The following PUM1 variants were observed in gnomAD, a reference collection of about 807,000 sequenced individuals.
PUM1 encodes the protein pumilio RNA binding family member 1.
PUM1 carries 13 observed loss-of-function variants against 131.8 expected under a neutral mutation model. That is an observed-to-expected ratio of 0.10 (90% CI 0.06 to 0.16). PUM1 has a LOEUF of 0.16. Among genes scored for constraint, PUM1 ranks in the 10% least tolerant of loss-of-function variants. The pLI, the probability that PUM1 is intolerant of heterozygous loss-of-function variation, is 1.00. For synonymous variants in PUM1, 509 were observed against 556.5 expected (o/e 0.91, Z 1.20); for missense variants, 961 against 1,512.4 (o/e 0.64, Z 6.05).
intron 3 of PUM1, among the ~76,000 whole-genome samples, chr1:31,026,920 C>T (rs1261258351): frequency 2.1e-5 from 3 of 145,422 alleles, no homozygotes; most frequent in Admixed American, 6.9e-5. Context: ...ATATTCATGC[C>T]CACGGAATTA....
chr1:30,952,472 A>C, intron 15 of PUM1, 109 bp from the exon 16 acceptor site: 1 of 1,537,400 alleles, frequency 6.5e-7, no homozygotes. Context: ...GTGAGTGAGC[A>C]TGTGTGCACA....
rs1316433480 is a variant in PUM1, at chr1:31,005,919, G to A, written c.654C>T (p.Gly218=). 3 of 1,613,582 alleles carry A rather than the reference G, an allele frequency of 1.9e-6. No homozygotes were observed. Among genetic ancestry groups the A allele is most frequent in the Non-Finnish European group, 2.5e-6 (3 of 1,179,898 alleles). The change falls in exon 5 of 22, where the codon GGC becomes GGT. Residue 218 remains glycine (G), a synonymous_variant. Coordinates refer to ENST00000426105, the MANE Select transcript of PUM1 (RefSeq NM_001020658.2). The part of the protein sequence containing the change: ...LSPRSESGGL[G]VSMVEYVLSS... ...TCAACACATACTCCACCATGCTAAC[G>A]CCTAGTCCCCCACTCTCCGATCGTG...
chr1:31,010,520 A>G (rs767312391), intron 3 of PUM1, among the ~76,000 whole-genome samples: 10 of 152,214 alleles, frequency 6.6e-5, no homozygotes, highest in Non-Finnish European at 8.8e-5. Flanking sequence ...CAGACGCCAC[A>G]TGAAGCCAAG....
At chr1:31,019,004 A>C (rs1210579552) in intron 3 of PUM1, among the ~76,000 whole-genome samples, 5 of 152,268 alleles carry the variant, frequency 3.3e-5, no homozygotes, top group Non-Finnish European at 2.9e-5. Context: ...GCTGGGCGAC[A>C]GTAAGAGCAA....
intron 2 of PUM1, among the ~76,000 whole-genome samples, chr1:31,052,431 A>G (rs1387962364): frequency 6.6e-6 from 1 of 151,674 alleles, no homozygotes; most frequent in Non-Finnish European, 1.5e-5. Context: ...TCAAAGAGAC[A>G]GGATCTCACT....
At chr1:31,038,986 T>TATATATA (rs1557599381) in intron 2 of PUM1, among the ~76,000 whole-genome samples, 70 of 27,460 alleles carry the variant, frequency 2.5e-3, no homozygotes, top group African/African-American at 4.2e-3. Context: ...ATATATATAT[T>TATATATA]TTTTTTTTTT....
intron 8 of PUM1, 121 bp from the exon 9 acceptor site, chr1:30,980,284 G>A: frequency 1.3e-6 from 1 of 776,938 alleles, no homozygotes. Flanking sequence ...AAAAAGAGAA[G>A]ACGGGACAGG....
intron 17 of PUM1, chr1:30,949,118 C>G (rs1186516831): frequency 2.5e-6 from 1 of 403,468 alleles, no homozygotes; most frequent in South Asian, 1.9e-5. Context: ...GGTGTCTTGT[C>G]TGGCTCAGAA....
intron 18 of PUM1, 82 bp from the exon 19 acceptor site, chr1:30,942,205 A>T (rs1195764299): frequency 5.4e-5 from 4 of 74,276 alleles, no homozygotes; most frequent in Admixed American, 2.4e-4. Context: ...ATATATATAT[A>T]TATATATATA....
chr1:30,981,293 T>C lies in PUM1; in HGVS notation c.1252+19A>G. 6.7e-7 allele frequency: 1 copy of C among 1,503,700 alleles called. No individual in the cohort carries two copies. Among genetic ancestry groups the C allele is most frequent in the East Asian group, 2.3e-5 (1 of 42,614 alleles). 93.1% of individuals were successfully genotyped at this position (1,503,700 alleles called of 1,614,324 possible). Reference sequence around the variant, plus strand: ...GCGGCCACACCTATCATGAAAGAGCTATGGGCTTAAGGACTTACCGATGTG... The same window carrying C: ...GCGGCCACACCTATCATGAAAGAGCCATGGGCTTAAGGACTTACCGATGTG... On this transcript the variant is annotated intron_variant, in intron 8 of 21. Coordinates refer to ENST00000426105, the MANE Select transcript of PUM1 (RefSeq NM_001020658.2).
chr1:30,943,993 T>C (rs1639565998), intron 18 of PUM1, among the ~76,000 whole-genome samples: 1 of 152,238 alleles, frequency 6.6e-6, no homozygotes, highest in East Asian at 1.9e-4. Context: ...TTATACATTC[T>C]AGTTATCAAT....
rs189517228 is a variant in PUM1 at position 30,991,376 on chromosome 1, G to A, written c.1158+1014C>T. 8.7e-4 allele frequency among the ~76,000 whole-genome samples: 132 copies of A among 152,196 alleles called. 1 individual carries two copies. The highest frequency in any genetic ancestry group is 3.4e-3 in the Middle Eastern group (1 of 294). ...TTAAAGGTATTTATTGTTCATAAAC[G>A]ACACAGGAGACTTAAAGGGAAACTT... is the stretch of plus-strand genomic sequence containing the variant. On this transcript the variant is annotated intron_variant, in intron 7 of 21. Coordinates refer to ENST00000426105, the MANE Select transcript of PUM1 (RefSeq NM_001020658.2).
chr1:31,058,257 C>T (rs1240275058), intron 2 of PUM1, among the ~76,000 whole-genome samples: 1 of 152,162 alleles, frequency 6.6e-6, no homozygotes, highest in Admixed American at 6.6e-5. Flanking sequence ...AAGTCACCCA[C>T]ACCCAAGAGA....
chr1:31,014,495 A>T (rs1321510430), intron 3 of PUM1, among the ~76,000 whole-genome samples: 1 of 150,182 alleles, frequency 6.7e-6, no homozygotes, highest in Non-Finnish European at 1.5e-5. Flanking sequence ...ATTAAAATTA[A>T]AAAAAAAAGA....
chr1:31,056,357 T>C (rs1406583186), intron 2 of PUM1, among the ~76,000 whole-genome samples: 1 of 152,158 alleles, frequency 6.6e-6, no homozygotes, highest in Non-Finnish European at 1.5e-5. Flanking sequence ...CTCTGCTCAC[T>C]GCAACCTCCA....
intron 18 of PUM1, among the ~76,000 whole-genome samples, 178 bp from the exon 19 acceptor site, chr1:30,942,301 G>C (rs372840327): frequency 7.1e-6 from 1 of 141,646 alleles, no homozygotes; most frequent in African/African-American, 2.7e-5. Flanking sequence ...CATATAATAA[G>C]GTGTGTGTGT....
chr1:31,006,059 C>A, intron 4 of PUM1, 28 bp from the exon 5 acceptor site: 1 of 1,534,870 alleles, frequency 6.5e-7, no homozygotes. Flanking sequence ...AAGCATGATA[C>A]AGTGCAGCCA....
chr1:30,961,460 G>A (rs909673680), intron 14 of PUM1, among the ~76,000 whole-genome samples: 2 of 151,932 alleles, frequency 1.3e-5, no homozygotes, highest in African/African-American at 4.8e-5. Context: ...GGAGTTTGAG[G>A]TTACAGTGAG....
intron 16 of PUM1, among the ~76,000 whole-genome samples, chr1:30,951,761 C>T (rs1328781219): frequency 2.6e-5 from 4 of 152,186 alleles, no homozygotes; most frequent in African/African-American, 7.2e-5. Flanking sequence ...CAAGGCCAAA[C>T]GATCAGCCAA....
Sources: gnomAD v4.1 joint callset for allele counts (sites outside exome capture counted in the v4.1 genomes callset) on GRCh38, gnomAD v4.1.1 for gene constraint, MANE v1.5 for transcripts, NCBI Gene and HGNC (gene_info 2026-07-23, HGNC 2026-07-21) for gene names.